The following SYN3 variants were observed in gnomAD, a reference collection of about 807,000 sequenced individuals.
The protein encoded by SYN3 is synapsin-3.
In SYN3, 35 loss-of-function variants were observed where a neutral mutation model predicts 65.8. The ratio of observed to expected loss-of-function variants is 0.53; its 90% CI spans 0.41 to 0.70. The LOEUF (loss-of-function observed/expected upper bound fraction) is 0.70. Among genes scored for constraint, SYN3 ranks in the 30% least tolerant of loss-of-function variants. The pLI is 0.00. For missense variants in SYN3, 680 were observed against 749.0 expected, an observed-to-expected ratio of 0.91 and a Z score of 1.08; for synonymous variants, 270 against 292.9, an observed-to-expected ratio of 0.92 and a Z score of 0.80.
chr22:32,732,372 G>C (rs993625112), intron 6 of SYN3, among the ~76,000 whole-genome samples: 1 of 152,240 alleles, frequency 6.6e-6, no homozygotes, highest in African/African-American at 2.4e-5. Flanking sequence ...CGAAGAAGCA[G>C]AGTACCTTCA....
At chr22:32,964,422 A>T (rs79137484) in intron 3 of SYN3, among the ~76,000 whole-genome samples, 2,102 of 44,118 alleles carry the variant, frequency 0.048, 29 homozygotes, top group African/African-American at 0.16. Context: ...AGTATAATAA[A>T]AAAAAAAAAA....
intron 3 of SYN3, among the ~76,000 whole-genome samples, chr22:32,938,659 G>C (rs937024839): frequency 3.9e-5 from 6 of 152,112 alleles, no homozygotes; most frequent in Non-Finnish European, 7.4e-5. Context: ...AGGCACAGTG[G>C]CTCATGTTTG....
chr22:32,693,773 G>C (rs1280093909), intron 6 of SYN3, among the ~76,000 whole-genome samples: 1 of 151,510 alleles, frequency 6.6e-6, no homozygotes, highest in Non-Finnish European at 1.5e-5. Context: ...TGTATTTTTA[G>C]TAGAGACGGC....
intron 2 of SYN3, among the ~76,000 whole-genome samples, chr22:33,000,714 C>T (rs1490065671): frequency 1.3e-5 from 2 of 152,180 alleles, no homozygotes; most frequent in Non-Finnish European, 2.9e-5. Flanking sequence ...CCTTCATTAT[C>T]ATCTGAAAGG....
At position 32,880,711 on chromosome 22, in the gene SYN3, C is replaced by G. The variant is rs550715664; in HGVS notation, c.462-11586G>C. Among the ~76,000 whole-genome samples the G allele has an allele frequency of 1.0e-3, 159 of 152,348 alleles. 1 individual carries two copies. Among genetic ancestry groups the G allele is most frequent in the Non-Finnish European group, 2.0e-3 (138 of 68,024 alleles). The stretch of plus-strand genomic sequence containing the variant: ...GACCAGCATTTACACTCCACTATTA[C>G]TAGCCCATTTTGCAGATGAGGATAA... On this transcript the variant is annotated intron_variant, in intron 4 of 13. Transcript: ENST00000358763.
intron 3 of SYN3, 132 bp downstream of exon 3, chr22:32,980,513 T>C: frequency 2.5e-6 from 2 of 805,192 alleles, no homozygotes; most frequent in Non-Finnish European, 4.2e-6. Context: ...GACTCCCAAG[T>C]ATAAGCTTGG....
Position 32,837,380 on chromosome 22 carries a change from G to A in SYN3, c.711+27535C>T, listed in dbSNP as rs187517944. Among the ~76,000 whole-genome samples the A allele has an allele frequency of 4.6e-3, 670 of 146,900 alleles. 5 individuals carry two copies. The highest frequency in any genetic ancestry group is 0.014 in the African/African-American group (542 of 37,918). On this transcript the variant is annotated intron_variant, in intron 6 of 13. Coordinates refer to ENST00000358763, the MANE Select transcript of SYN3 (RefSeq NM_003490.4). The surrounding 1 kb of genome is among the most constrained non-coding windows in gnomAD (Gnocchi z 4.1). ...CTTGCATGGCAGTAAGCAAGTCGGC[G>A]CCTCTGACCCCTGAGTGGGCTTGAG...
chr22:32,959,151 C>T (rs774486380), intron 3 of SYN3, among the ~76,000 whole-genome samples: 4 of 152,088 alleles, frequency 2.6e-5, no homozygotes, highest in Non-Finnish European at 4.4e-5. Flanking sequence ...GTTAGTTCCC[C>T]CATACTATTC....
intron 4 of SYN3, among the ~76,000 whole-genome samples, chr22:32,907,806 T>C (rs1601668791): frequency 1.3e-5 from 2 of 152,286 alleles, no homozygotes; most frequent in South Asian, 2.1e-4. Context: ...AAGGCTGCTA[T>C]TGATATCATT....
At chr22:32,730,073 CCT>C (rs1444616112) in intron 6 of SYN3, among the ~76,000 whole-genome samples, 1 of 152,094 alleles carries the variant, frequency 6.6e-6, no homozygotes, top group African/African-American at 2.4e-5. Context: ...AGACTATTTC[CCT>C]AGATAAGTAA....
At chr22:32,754,215 G>A (rs537694400) in intron 6 of SYN3, among the ~76,000 whole-genome samples, 22 of 151,982 alleles carry the variant, frequency 1.4e-4, no homozygotes, top group Non-Finnish European at 3.1e-4. Context: ...GCAGTGGCGC[G>A]ATCTTGGTTC....
rs58025351 is a variant in SYN3, at chr22:33,047,863, CAA to C, written c.-163+10427_-163+10428del. Among the ~76,000 whole-genome samples, 96 of 53,548 alleles carry C rather than the reference CAA, an allele frequency of 1.8e-3. No homozygotes were observed. The Middle Eastern group carries it at 0.036, about 20-fold the overall frequency. The allele number at this position is 53,548 out of a possible 152,430, so 35.1% of individuals were successfully genotyped here. A position where few individuals can be genotyped will look rare whatever the true frequency, so the allele number is the denominator to read the frequency against. ...GACCTATTAGTCCCATTTTCATGTG[CAA>C]AAAAAAAAAAAAAAAAAAAAGGAAC... On this transcript the variant is annotated intron_variant, in intron 1 of 13. Transcript: ENST00000358763.
At chr22:32,639,454 A>G (rs769487154) in intron 6 of SYN3, among the ~76,000 whole-genome samples, 1 of 152,144 alleles carries the variant, frequency 6.6e-6, no homozygotes, top group East Asian at 1.9e-4. Flanking sequence ...CCATTGGTCT[A>G]TGTGTCTGTT....
At chr22:32,651,978 C>A (rs2060078172) in intron 6 of SYN3, among the ~76,000 whole-genome samples, 1 of 152,156 alleles carries the variant, frequency 6.6e-6, no homozygotes, top group Non-Finnish European at 1.5e-5. Context: ...CCTCCTGCAA[C>A]AAAGAATTAG....
chr22:32,564,884 G>GATT (rs2058643331), intron 7 of SYN3, among the ~76,000 whole-genome samples: 1 of 149,964 alleles, frequency 6.7e-6, no homozygotes, highest in Non-Finnish European at 1.5e-5. Flanking sequence ...AGCGCTCCCG[G>GATT]ACTGCACCCT....
intron 13 of SYN3, among the ~76,000 whole-genome samples, chr22:32,517,603 T>A (rs559158032): frequency 6.6e-6 from 1 of 152,318 alleles, no homozygotes; most frequent in African/African-American, 2.4e-5. Context: ...ATACTCACAA[T>A]TATCTGTTTT....
chr22:32,509,126 A>G lies in SYN3; in HGVS notation c.*4566T>C, dbSNP rs2057663401. 6.6e-6 allele frequency among the ~76,000 whole-genome samples: 1 copy of G among 152,236 alleles called. No individual in the cohort carries two copies. ...CCACTGTTCCTGGAAAGCTGATTTTACATTTAACCAAAGTACGGTACCATT... is the reference window on the plus strand; with the variant it reads ...CCACTGTTCCTGGAAAGCTGATTTTGCATTTAACCAAAGTACGGTACCATT... On this transcript the variant is annotated 3_prime_UTR_variant, in exon 14 of 14. Coordinates refer to ENST00000358763, the MANE Select transcript of SYN3 (RefSeq NM_003490.4).
intron 7 of SYN3, among the ~76,000 whole-genome samples, chr22:32,559,450 G>T (rs2058551703): frequency 6.6e-6 from 1 of 152,216 alleles, no homozygotes; most frequent in South Asian, 2.1e-4. Flanking sequence ...CGACTTTCAG[G>T]TGATGGTCAG....
intron 3 of SYN3, among the ~76,000 whole-genome samples, chr22:32,953,404 G>A (rs2051350524): frequency 6.6e-6 from 1 of 152,042 alleles, no homozygotes; most frequent in Non-Finnish European, 1.5e-5. Flanking sequence ...GGAGAGGAAA[G>A]AGAAACACTG....
Sources: allele counts gnomAD v4.1 joint callset (sites outside exome capture counted in the v4.1 genomes callset), GRCh38; gene constraint gnomAD v4.1.1; non-coding constraint Gnocchi (gnomAD v3.1); transcripts MANE v1.5; gene names NCBI Gene and HGNC (gene_info 2026-07-23, HGNC 2026-07-21).